The following ESR1 variants were observed in gnomAD, a reference collection of about 807,000 sequenced individuals.
ESR1 encodes estrogen receptor 1.
Under a neutral mutation model 52.7 loss-of-function variants are expected in ESR1, and 12 were observed. The ratio of observed to expected loss-of-function variants is 0.23; its 90% CI spans 0.15 to 0.37. The LOEUF is 0.37. ESR1 is among the 10% of genes least tolerant of loss of function. ESR1 has a pLI of 1.00. For synonymous variants in ESR1, 305 were observed against 316.8 expected (o/e 0.96, Z 0.39); for missense variants, 584 against 779.7 (o/e 0.75, Z 2.99).
intron 3 of ESR1, among the ~76,000 whole-genome samples, chr6:151,942,202 C>G (rs2035153126): frequency 6.6e-6 from 1 of 152,188 alleles, no homozygotes; most frequent in South Asian, 2.1e-4. Flanking sequence ...TTGTTCTCAT[C>G]TTTTACTTTT....
chr6:151,660,711 T>C (rs148689956), intron 1 of ESR1, among the ~76,000 whole-genome samples: 30 of 152,362 alleles, frequency 2.0e-4, no homozygotes, highest in African/African-American at 6.7e-4. Context: ...ATATGTTATG[T>C]AGACTCTTTT....
At chr6:151,948,219 C>G (rs2035930395) in intron 4 of ESR1, among the ~76,000 whole-genome samples, 1 of 149,918 alleles carries the variant, frequency 6.7e-6, no homozygotes, top group African/African-American at 2.5e-5. Flanking sequence ...GAGTTTTTTT[C>G]CCCAGAAGCT....
chr6:152,006,714 T>A (rs1278246692), intron 4 of ESR1, among the ~76,000 whole-genome samples: 4 of 152,000 alleles, frequency 2.6e-5, no homozygotes, highest in African/African-American at 9.7e-5. Context: ...CTTCTTCTAT[T>A]GAGTGAAAAG....
At chr6:152,022,738 G>A (rs1416224350) in intron 5 of ESR1, among the ~76,000 whole-genome samples, 4 of 152,108 alleles carry the variant, frequency 2.6e-5, no homozygotes, top group Admixed American at 6.6e-5. Context: ...TTGGGAGGCC[G>A]AGGCTGGCAG....
chr6:151,958,973 C>CGTGTGTGTGTGTGTGTGT lies in ESR1; in HGVS notation c.1096+14469_1096+14486dup, dbSNP rs58501088. ...CTTCCATTGGAAGAGAAAAAGTTTC[C>CGTGTGTGTGTGTGTGTGT]GTGTGTGTGTGTGTGTGTGTGCGTG... On this transcript the variant is annotated intron_variant, in intron 4 of 7. Transcript: ENST00000206249. Among the ~76,000 whole-genome samples the CGTGTGTGTGTGTGTGTGT allele has an allele frequency of 8.8e-3, 1,310 of 148,836 alleles. 20 individuals are homozygous for CGTGTGTGTGTGTGTGTGT. Among genetic ancestry groups the CGTGTGTGTGTGTGTGTGT allele is most frequent in the African/African-American group, 0.03 (1,194 of 40,472 alleles).
At chr6:152,109,177 C>T (rs768274283) in intron 6 of ESR1, among the ~76,000 whole-genome samples, 3 of 152,126 alleles carry the variant, frequency 2.0e-5, no homozygotes, top group Admixed American at 6.5e-5. Flanking sequence ...AGGAGAACTC[C>T]GTCCCATGAT....
chr6:152,003,735 C>A lies in ESR1; in HGVS notation c.1097-7921C>A, dbSNP rs563391563. Reference sequence around the variant, plus strand: ...ATACAGCTTAATATCTTCATACTCCCCTTTGTCAAAGATACAAGTGACATT... The same window carrying A: ...ATACAGCTTAATATCTTCATACTCCACTTTGTCAAAGATACAAGTGACATT... On this transcript the variant is annotated intron_variant, in intron 4 of 7. Coordinates refer to ENST00000206249, the MANE Select transcript of ESR1 (RefSeq NM_000125.4). Among the ~76,000 whole-genome samples, 4 of 152,014 alleles carry A rather than the reference C, an allele frequency of 2.6e-5. No homozygotes were observed. The South Asian group carries it at 8.3e-4, about 32-fold the overall frequency.
intron 2 of ESR1, among the ~76,000 whole-genome samples, chr6:151,774,558 C>T (rs573209319): frequency 2.6e-5 from 4 of 152,306 alleles, no homozygotes; most frequent in Admixed American, 6.5e-5. Context: ...CCTTGGCCCT[C>T]ACACAGTACT....
intron 3 of ESR1, among the ~76,000 whole-genome samples, chr6:151,899,487 C>A (rs1453606460): frequency 2.8e-5 from 4 of 145,438 alleles, no homozygotes; most frequent in African/African-American, 7.7e-5. Flanking sequence ...CTGACCCCCC[C>A]ACCTCCCTCC....
At chr6:151,903,467 A>G (rs1342716777) in intron 3 of ESR1, among the ~76,000 whole-genome samples, 2 of 152,200 alleles carry the variant, frequency 1.3e-5, no homozygotes, top group East Asian at 1.9e-4. Context: ...GTTTGAACAT[A>G]TACTTTGGCC....
intron 2 of ESR1, among the ~76,000 whole-genome samples, chr6:151,711,371 G>A (rs1213287349): frequency 7.9e-5 from 12 of 151,962 alleles, no homozygotes; most frequent in East Asian, 5.8e-4. Flanking sequence ...ACAGGCGCCC[G>A]CCATCATGCC....
chr6:151,736,397 G>A (rs955518712), intron 2 of ESR1, among the ~76,000 whole-genome samples: 1 of 31,284 alleles, frequency 3.2e-5, no homozygotes, highest in South Asian at 5.6e-4. Context: ...TTTTGAGATG[G>A]AGTTTCACTC....
chr6:151,944,036 T>G (rs560131711), intron 3 of ESR1, 137 bp from the exon 4 acceptor site: 1 of 706,200 alleles, frequency 1.4e-6, no homozygotes, highest in South Asian at 1.9e-5. Context: ...AGCCACTTGT[T>G]GAACACTTAC....
At chr6:151,792,389 A>G (rs1050619554) in intron 2 of ESR1, among the ~76,000 whole-genome samples, 2 of 152,050 alleles carry the variant, frequency 1.3e-5, no homozygotes, top group Non-Finnish European at 2.9e-5. Flanking sequence ...TTCTTTCTTC[A>G]ATCAATAATA....
At chr6:152,001,249 G>T (rs1246943098) in intron 4 of ESR1, among the ~76,000 whole-genome samples, 2 of 152,068 alleles carry the variant, frequency 1.3e-5, no homozygotes, top group Admixed American at 6.6e-5. Context: ...AGGCTGGGAG[G>T]TTCAAGATCA....
chr6:152,000,966 A>G (rs984560211), intron 4 of ESR1, among the ~76,000 whole-genome samples: 1 of 151,890 alleles, frequency 6.6e-6, no homozygotes, highest in Non-Finnish European at 1.5e-5. Context: ...TAATACGGTT[A>G]CTCTTTATCT....
At chr6:152,004,434 C>T (rs565522456) in intron 4 of ESR1, among the ~76,000 whole-genome samples, 170 of 152,010 alleles carry the variant, frequency 1.1e-3, no homozygotes, top group Non-Finnish European at 2.1e-3. Context: ...AGCCACTCAT[C>T]GTATTTAAGG....
chr6:152,014,424 G>C (rs143876808), intron 5 of ESR1, among the ~76,000 whole-genome samples: 2,170 of 152,220 alleles, frequency 0.014, 30 homozygotes, highest in Non-Finnish European at 0.025. Context: ...GCCTCTGGTT[G>C]AGAATCACCA....
chr6:152,011,810 G>C lies in ESR1; in HGVS notation c.1235+16G>C, dbSNP rs2128779657. The C allele has an allele frequency of 1.9e-6, 3 of 1,612,110 alleles. No individual in the cohort carries two copies. The highest frequency in any genetic ancestry group is 8.5e-7 in the Non-Finnish European group (1 of 1,178,964). On this transcript the variant is annotated intron_variant, in intron 5 of 7. Coordinates refer to ENST00000206249, the MANE Select transcript of ESR1 (RefSeq NM_000125.4). ...TCTTGGACAGGTAAGTGACCTGGCTGTAGCTTAGGAGTAGCATGTTCTTTA... is the reference window on the plus strand; with the variant it reads ...TCTTGGACAGGTAAGTGACCTGGCTCTAGCTTAGGAGTAGCATGTTCTTTA...
Sources: gnomAD v4.1 joint callset for allele counts (sites outside exome capture counted in the v4.1 genomes callset) on GRCh38, gnomAD v4.1.1 for gene constraint, MANE v1.5 for transcripts, NCBI Gene and HGNC (gene_info 2026-07-23, HGNC 2026-07-21) for gene names.